Variants in DGKB observed in about 807,000 individuals in gnomAD.
DGKB encodes the protein diacylglycerol kinase beta, also known as 90 kDa diacylglycerol kinase.
DGKB carries 67 observed loss-of-function variants against 114.3 expected under a neutral mutation model. That is an observed-to-expected ratio of 0.59 (90% CI 0.48 to 0.72). The LOEUF is 0.72. DGKB is among the 30% of genes least tolerant of loss of function. The pLI, the probability that DGKB is intolerant of heterozygous loss-of-function variation, is 0.00. For synonymous variants in DGKB, 398 were observed against 323.1 expected, an observed-to-expected ratio of 1.23 and a Z score of -2.49; for missense variants, 907 against 975.2, an observed-to-expected ratio of 0.93 and a Z score of 0.93.
intron 2 of DGKB, among the ~76,000 whole-genome samples, chr7:14,768,660 A>C (rs1487675060): frequency 6.6e-6 from 1 of 152,040 alleles, no homozygotes; most frequent in African/African-American, 2.4e-5. Flanking sequence ...AAGCTCTCTA[A>C]AAGTTTATGT....
intron 20 of DGKB, among the ~76,000 whole-genome samples, chr7:14,487,214 A>G (rs1211804064): frequency 1.3e-5 from 2 of 152,206 alleles, no homozygotes; most frequent in Non-Finnish European, 2.9e-5. Context: ...ACATTCTAAT[A>G]TGTTAAATTC....
intron 21 of DGKB, among the ~76,000 whole-genome samples, chr7:14,418,396 C>CAA: frequency 6.9e-6 from 1 of 145,114 alleles, no homozygotes; most frequent in African/African-American, 2.6e-5. Context: ...TATATATACA[C>CAA]ACACACATAT....
At chr7:14,740,194 A>C (rs141133659) in intron 4 of DGKB, among the ~76,000 whole-genome samples, 61 of 151,434 alleles carry the variant, frequency 4.0e-4, no homozygotes, top group African/African-American at 1.4e-3. Context: ...GCATAAGAAC[A>C]AGAGGTTTCT....
At chr7:14,168,476 A>C (rs570584157) in intron 25 of DGKB, among the ~76,000 whole-genome samples, 1 of 152,250 alleles carries the variant, frequency 6.6e-6, no homozygotes, top group South Asian at 2.1e-4. Flanking sequence ...AACTAAAACA[A>C]GATAGGCTCA....
intron 21 of DGKB, among the ~76,000 whole-genome samples, chr7:14,446,094 A>G: frequency 6.6e-6 from 1 of 152,084 alleles, no homozygotes; most frequent in East Asian, 1.9e-4. Context: ...TTCTCCAAAT[A>G]CTTCTTGCAA....
chr7:14,509,758 C>G (rs1787693845), intron 20 of DGKB, among the ~76,000 whole-genome samples: 1 of 152,242 alleles, frequency 6.6e-6, no homozygotes, highest in Non-Finnish European at 1.5e-5. Context: ...TATTCTGTCT[C>G]TTTCTAACTC....
intron 2 of DGKB, among the ~76,000 whole-genome samples, chr7:14,803,701 C>T (rs1047963186): frequency 3.2e-4 from 49 of 152,096 alleles, no homozygotes; most frequent in African/African-American, 1.1e-3. Flanking sequence ...GATCTTTCCT[C>T]GTTCATTTGA....
At chr7:14,858,657 C>T (rs17168486) in intron 1 of DGKB, among the ~76,000 whole-genome samples, 27,835 of 151,736 alleles carry the variant, frequency 0.18, 3,219 homozygotes, top group East Asian at 0.44. Context: ...TAAGTTGTCA[C>T]GGTGTCAAAT....
At chr7:14,374,004 C>T (rs1355400632) in intron 21 of DGKB, among the ~76,000 whole-genome samples, 1 of 152,104 alleles carries the variant, frequency 6.6e-6, no homozygotes, top group East Asian at 1.9e-4. Flanking sequence ...CCTTGCCCTT[C>T]CTGAAAGATC....
intron 20 of DGKB, among the ~76,000 whole-genome samples, chr7:14,553,841 T>C (rs963454401): frequency 5.3e-5 from 8 of 151,012 alleles, no homozygotes; most frequent in African/African-American, 1.9e-4. Flanking sequence ...TTTTGATATA[T>C]ATATTTGTGT....
chr7:14,246,364 G>A (rs972440135), intron 23 of DGKB, among the ~76,000 whole-genome samples: 18 of 152,108 alleles, frequency 1.2e-4, no homozygotes, highest in African/African-American at 4.1e-4. Flanking sequence ...GAAATGTTAA[G>A]TACTTTGCCT....
At chr7:14,653,251 A>G (rs1814994912) in intron 13 of DGKB, among the ~76,000 whole-genome samples, 1 of 150,560 alleles carries the variant, frequency 6.6e-6, no homozygotes, top group African/African-American at 2.5e-5. Context: ...ACTTGGAACC[A>G]ACCCAAATGT....
intron 4 of DGKB, among the ~76,000 whole-genome samples, chr7:14,751,881 G>A (rs1834173967): frequency 6.6e-6 from 1 of 152,272 alleles, no homozygotes; most frequent in South Asian, 2.1e-4. Context: ...ATGTTCTCTA[G>A]AACTTTTCTA....
At chr7:14,379,489 G>A (rs891419021) in intron 21 of DGKB, among the ~76,000 whole-genome samples, 7 of 151,722 alleles carry the variant, frequency 4.6e-5, no homozygotes, top group Non-Finnish European at 8.8e-5. Flanking sequence ...AGTGGGGAGC[G>A]CTCTGACTAG....
intron 13 of DGKB, among the ~76,000 whole-genome samples, chr7:14,635,563 C>A (rs1475321153): frequency 6.6e-6 from 1 of 151,498 alleles, no homozygotes; most frequent in Non-Finnish European, 1.5e-5. Flanking sequence ...ATATTTAGAG[C>A]ACCCATCTTC....
At chr7:14,561,204 A>G (rs1796608123) in intron 20 of DGKB, among the ~76,000 whole-genome samples, 1 of 152,132 alleles carries the variant, frequency 6.6e-6, no homozygotes, top group African/African-American at 2.4e-5. Flanking sequence ...ATGGTTGTAT[A>G]ATGGAGAGTT....
chr7:14,563,496 C>T (rs1183259848), intron 20 of DGKB, among the ~76,000 whole-genome samples: 2 of 151,962 alleles, frequency 1.3e-5, no homozygotes, highest in Non-Finnish European at 2.9e-5. Flanking sequence ...TGTTTTCTTC[C>T]ATTCCATGAT....
At chr7:14,301,551 A>AAGAT (rs1263487983) in intron 23 of DGKB, among the ~76,000 whole-genome samples, 3 of 152,160 alleles carry the variant, frequency 2.0e-5, no homozygotes, top group African/African-American at 7.2e-5. Flanking sequence ...ATCTTTTAAA[A>AAGAT]AGATAGATTA....
chr7:14,685,407 C>G, intron 9 of DGKB, 45 bp from the exon 10 acceptor site: 2 of 1,384,188 alleles, frequency 1.4e-6, no homozygotes, highest in Non-Finnish European at 2.1e-6. Context: ...ATGAAATAAA[C>G]AGTGAAAGAT....
Sources: allele counts gnomAD v4.1 joint callset (sites outside exome capture counted in the v4.1 genomes callset), GRCh38; gene constraint gnomAD v4.1.1; transcripts MANE v1.5; gene names NCBI Gene and HGNC (gene_info 2026-07-23, HGNC 2026-07-21).